The following SAFB variants were observed in gnomAD, a reference collection of about 807,000 sequenced individuals.
SAFB encodes scaffold attachment factor B.
In SAFB, 15 loss-of-function variants were observed where a neutral mutation model predicts 101.6. The observed-to-expected ratio is 0.15, with a 90% CI of 0.10 to 0.23. SAFB has a LOEUF of 0.23. Ranked by LOEUF, SAFB falls within the 10% of genes least tolerant of loss-of-function variation. SAFB has a pLI of 1.00. For synonymous variants in SAFB, 449 were observed against 407.5 expected (o/e 1.10, Z -1.23); for missense variants, 930 against 1,104.1 (o/e 0.84, Z 2.23).
At chr19:5,642,164 G>C (rs1432910132) in intron 4 of SAFB, 3 of 608,510 alleles carry the variant, frequency 4.9e-6, no homozygotes, top group African/African-American at 1.8e-5. Flanking sequence ...GCGGCATACA[G>C]TATGAGACAT....
In SAFB at chr19:5,667,211, A is replaced by T; in HGVS notation, c.2453+47A>T. 2.3e-6 allele frequency: 3 copies of T among 1,284,230 alleles called. No individual in the cohort carries two copies. Among genetic ancestry groups the T allele is most frequent in the Non-Finnish European group, 3.3e-6 (3 of 920,560 alleles). The allele number at this position is 1,284,230 out of a possible 1,614,324, so 79.6% of individuals were successfully genotyped here. A position where few individuals can be genotyped will look rare whatever the true frequency, so the allele number is the denominator to read the frequency against. On this transcript the variant is annotated intron_variant, in intron 18 of 20. Coordinates refer to ENST00000588852, the MANE Select transcript of SAFB (RefSeq NM_001201338.2). This position sits in a 1 kb window ranked among gnomAD's most constrained non-coding sequence, Gnocchi z 4.0. ...GTACCTGACCCCCCCCCCGCCCACA[A>T]GGGGGCCCGCAAGTCGCTGGGATGT...
At chr19:5,641,378 C>T (rs2053709856) in intron 2 of SAFB, among the ~76,000 whole-genome samples, 1 of 151,954 alleles carries the variant, frequency 6.6e-6, no homozygotes, top group Non-Finnish European at 1.5e-5. Context: ...TGCACTTCTA[C>T]TTCCACAGCT....
At chr19:5,627,100 A>G (rs996632973) in intron 2 of SAFB, among the ~76,000 whole-genome samples, 7 of 151,718 alleles carry the variant, frequency 4.6e-5, no homozygotes, top group Non-Finnish European at 1.0e-4. Context: ...ACTTGAGCCC[A>G]GGAGCTCAAG....
At chr19:5,639,783 A>G (rs2053666515) in intron 2 of SAFB, among the ~76,000 whole-genome samples, 2 of 152,026 alleles carry the variant, frequency 1.3e-5, no homozygotes, top group African/African-American at 2.4e-5. Context: ...TGTTTTGTAC[A>G]TATGATATAT....
chr19:5,628,729 C>T (rs73920032), intron 2 of SAFB, among the ~76,000 whole-genome samples: 2 of 152,186 alleles, frequency 1.3e-5, no homozygotes, highest in Non-Finnish European at 2.9e-5. Context: ...GCTGGGAGAA[C>T]AGCAGAATGA....
chr19:5,662,326 C>A (rs557033600), intron 15 of SAFB, among the ~76,000 whole-genome samples: 5 of 152,156 alleles, frequency 3.3e-5, no homozygotes, highest in African/African-American at 1.2e-4. Context: ...GGCAGAACCC[C>A]GTCTCTACTA....
intron 2 of SAFB, among the ~76,000 whole-genome samples, chr19:5,627,997 T>C (rs2053404661): frequency 6.6e-6 from 1 of 152,200 alleles, no homozygotes; most frequent in African/African-American, 2.4e-5. Context: ...ACACCTGTAA[T>C]GCCAGCACTT....
Position 5,667,774 on chromosome 19 carries a change from CGCCGTGT to C in SAFB, c.2558-43_2558-37del, listed in dbSNP as rs761700819. On this transcript the variant is annotated intron_variant, in intron 19 of 20. Transcript: ENST00000588852. This position sits in a 1 kb window ranked among gnomAD's most constrained non-coding sequence, Gnocchi z 4.0. ...TGGGCTAAATGTGCCGTGGGTTCCA[CGCCGTGT>C]GCGCAAGTTCCCTGTGTGAAAGCAC... 3 of 1,599,578 alleles carry C rather than the reference CGCCGTGT, an allele frequency of 1.9e-6. No homozygotes were observed. Among genetic ancestry groups the C allele is most frequent in the Non-Finnish European group, 2.6e-6 (3 of 1,167,370 alleles).
rs544431632 is a variant in SAFB, at chr19:5,633,180, C to A, written c.274+6691C>A. The stretch of plus-strand genomic sequence containing the variant: ...TAATTTTGTTATTGTTTGTTTATTA[C>A]TTGGTTTACTGACATAAGGAATAGC... On this transcript the variant is annotated intron_variant, in intron 2 of 20. Transcript: ENST00000588852. Among the ~76,000 whole-genome samples the A allele has an allele frequency of 8.5e-5, 13 of 152,288 alleles. No homozygotes were observed. In the South Asian group the frequency reaches 2.7e-3, roughly 32 times the overall value.
At chr19:5,635,650 T>C (rs7255989) in intron 2 of SAFB, among the ~76,000 whole-genome samples, 5,810 of 152,236 alleles carry the variant, frequency 0.038, 406 homozygotes, top group African/African-American at 0.13. Context: ...CTGGGTACTA[T>C]GGGAGCATCC....
intron 17 of SAFB, chr19:5,665,377 T>C (rs1322581866): frequency 6.6e-6 from 1 of 152,218 alleles, no homozygotes; most frequent in Non-Finnish European, 1.5e-5. Context: ...GTGTCACCCC[T>C]TCCTGCTGAG....
At chr19:5,640,477 T>C (rs1019925995) in intron 2 of SAFB, among the ~76,000 whole-genome samples, 9 of 149,374 alleles carry the variant, frequency 6.0e-5, no homozygotes, top group Non-Finnish European at 1.2e-4. Context: ...GCGATTCTCC[T>C]GCCTCAGCCT....
chr19:5,660,986 T>G (rs977989710), intron 14 of SAFB, among the ~76,000 whole-genome samples: 4 of 124,700 alleles, frequency 3.2e-5, no homozygotes, highest in Non-Finnish European at 4.8e-5. Flanking sequence ...TGGAGTGCAG[T>G]GGCTCACTGC....
intron 5 of SAFB, among the ~76,000 whole-genome samples, chr19:5,646,315 G>A (rs964917271): frequency 2.0e-5 from 3 of 152,154 alleles, no homozygotes; most frequent in Non-Finnish European, 4.4e-5. Context: ...CCAACCTTGA[G>A]GAGGGCACAA....
At position 5,641,859 on chromosome 19, in the gene SAFB, T is replaced by C; in HGVS notation, c.459T>C (p.Ala153=). The change falls in exon 4 of 21, where the codon GCT becomes GCC. Residue 153 remains alanine (A), a synonymous_variant. Coordinates refer to ENST00000588852, the MANE Select transcript of SAFB (RefSeq NM_001201338.2). The part of the protein sequence containing the change: ...SVADCVEDDD[A]DNLQESLSDS... ...CAGATTGTGTCGAAGACGATGATGCTGATAACCTCCAGGAGTCCCTGTCGG... is the reference window on the plus strand; with the variant it reads ...CAGATTGTGTCGAAGACGATGATGCCGATAACCTCCAGGAGTCCCTGTCGG... The C allele has an allele frequency of 1.2e-6, 2 of 1,614,166 alleles. No homozygotes were observed. The highest frequency in any genetic ancestry group is 1.7e-6 in the Non-Finnish European group (2 of 1,180,022).
intron 13 of SAFB, among the ~76,000 whole-genome samples, chr19:5,655,729 TTATAA>T (rs1226615842): frequency 6.6e-6 from 1 of 152,162 alleles, no homozygotes; most frequent in Non-Finnish European, 1.5e-5. Flanking sequence ...TGTGCCAGTA[TTATAA>T]TATGTCATAG....
intron 2 of SAFB, among the ~76,000 whole-genome samples, chr19:5,633,854 G>A (rs915496652): frequency 1.3e-5 from 2 of 152,020 alleles, no homozygotes; most frequent in African/African-American, 2.4e-5. Context: ...TCAACTCCTG[G>A]GCCAGTACTT....
At chr19:5,644,873 C>G (rs1227154586) in intron 4 of SAFB, among the ~76,000 whole-genome samples, 1 of 152,216 alleles carries the variant, frequency 6.6e-6, no homozygotes, top group Non-Finnish European at 1.5e-5. Flanking sequence ...CTGGGAGATG[C>G]TGTTCCATTG....
chr19:5,641,516 T>C, intron 2 of SAFB, 78 bp from the exon 3 acceptor site: 1 of 1,146,670 alleles, frequency 8.7e-7, no homozygotes, highest in Non-Finnish European at 1.3e-6. Flanking sequence ...AGTGACCACT[T>C]GTGTAGTGCT....
Sources: allele counts gnomAD v4.1 joint callset (sites outside exome capture counted in the v4.1 genomes callset), GRCh38; gene constraint gnomAD v4.1.1; non-coding constraint Gnocchi (gnomAD v3.1); transcripts MANE v1.5; gene names NCBI Gene and HGNC (gene_info 2026-07-23, HGNC 2026-07-21).